Variants in FKBP10 observed in about 807,000 individuals in gnomAD.
FKBP10 encodes FKBP prolyl isomerase 10.
FKBP10 carries 34 observed loss-of-function variants against 53.7 expected under a neutral mutation model. That is an observed-to-expected ratio of 0.63 (90% CI 0.48 to 0.84). The LOEUF is 0.84. Ranked by LOEUF, FKBP10 falls within the 40% of genes least tolerant of loss-of-function variation. FKBP10 has a pLI of 0.00. For synonymous variants in FKBP10, 324 were observed against 335.7 expected (o/e 0.97, Z 0.38); for missense variants, 748 against 797.8 (o/e 0.94, Z 0.75).
Position 41,820,302 on chromosome 17 carries a change from T to G in FKBP10, c.1097T>G (p.Phe366Cys). The change falls in exon 7 of 10, where the codon TTC becomes TGC. Residue 366 changes from phenylalanine (F) to cysteine (C), a missense_variant. Transcript: ENST00000321562. ...DKIPGSAVLI[F>C]NVHVIDFHNP... ...ATCCCTGGCTCTGCCGTGCTAATCT[T>G]CAACGTCCATGTCATTGACTTCCAC... The G allele has an allele frequency of 1.2e-6, 2 of 1,614,210 alleles. No individual in the cohort carries two copies. Among genetic ancestry groups the G allele is most frequent in the South Asian group, 1.1e-5 (1 of 91,088 alleles).
intron 1 of FKBP10, among the ~76,000 whole-genome samples, chr17:41,814,834 G>A (rs782703829): frequency 6.6e-6 from 1 of 152,178 alleles, no homozygotes; most frequent in Non-Finnish European, 1.5e-5. Context: ...CTGGGTTCAA[G>A]CAATTCTCCT....
At chr17:41,820,735 C>T (rs894937451) in intron 7 of FKBP10, 2 of 712,260 alleles carry the variant, frequency 2.8e-6, no homozygotes, top group Admixed American at 2.9e-5. Context: ...GAGCCATGAG[C>T]CCTCGAGGCC....
rs1555616945 is a variant in FKBP10 at position 41,820,949 on chromosome 17, A to G, written c.1259A>G (p.His420Arg). The change falls in exon 8 of 10, where the codon CAT becomes CGT. Residue 420 changes from histidine to arginine, a missense_variant and splice_region_variant. Physicochemically the swap from His to Arg is conservative, Grantham distance 29 (BLOSUM62 0). Coordinates refer to ENST00000321562, the MANE Select transcript of FKBP10 (RefSeq NM_021939.4). ...LLDGTQLFTS[H>R]DYGAPQEATL... ...CCTGGGCATCTGCTCTCCCCCAGGC[A>G]TGACTACGGGGCCCCCCAGGAGGCG... is the stretch of plus-strand genomic sequence containing the variant. The G allele has an allele frequency of 1.9e-6, 3 of 1,611,800 alleles. No homozygotes were observed. Among genetic ancestry groups the G allele is most frequent in the African/African-American group, 1.3e-5 (1 of 74,860 alleles).
intron 8 of FKBP10, among the ~76,000 whole-genome samples, chr17:41,821,383 A>G (rs923738993): frequency 6.6e-6 from 1 of 151,940 alleles, no homozygotes; most frequent in Non-Finnish European, 1.5e-5. Context: ...TTGGCCTCCC[A>G]AAGTGCTGGG....
At chr17:41,818,304 G>C in intron 3 of FKBP10, 26 bp downstream of exon 3, 1 of 1,614,068 alleles carries the variant, frequency 6.2e-7, no homozygotes, top group Non-Finnish European at 8.5e-7. Context: ...GGAGCCCTGA[G>C]GCACTGGGGA....
intron 2 of FKBP10, among the ~76,000 whole-genome samples, chr17:41,817,775 A>C (rs4796709): frequency 0.33 from 49,293 of 151,114 alleles, 9,109 homozygotes; most frequent in East Asian, 0.56. Flanking sequence ...CTACAGGTGC[A>C]CACCACCACA....
intron 1 of FKBP10, among the ~76,000 whole-genome samples, chr17:41,814,863 G>C (rs1555615892): frequency 1.3e-5 from 2 of 152,188 alleles, no homozygotes; most frequent in Non-Finnish European, 2.9e-5. Flanking sequence ...CTCCCAAGTA[G>C]CTGTGATTAC....
At chr17:41,815,167 A>C (rs2047798925) in intron 1 of FKBP10, among the ~76,000 whole-genome samples, 3 of 152,134 alleles carry the variant, frequency 2.0e-5, no homozygotes, top group African/African-American at 7.2e-5. Context: ...TTATAAGAAG[A>C]CAGCCAGCTG....
In FKBP10 at chr17:41,819,193, C is replaced by T; in HGVS notation, c.728-17C>T. 1 of 1,614,000 alleles carries T rather than the reference C, an allele frequency of 6.2e-7. No individual in the cohort carries two copies. Among genetic ancestry groups the T allele is most frequent in the Non-Finnish European group, 8.5e-7 (1 of 1,179,928 alleles). On this transcript the variant is annotated splice_polypyrimidine_tract_variant and intron_variant, in intron 4 of 9. Transcript: ENST00000321562. ...TTGCTCCCCAATTTTATGGTTCAAG[C>T]CCTATCCCTTCCCCAGGGACAGTGA...
Position 41,818,161 on chromosome 17 carries a change from C to T in FKBP10, c.464C>T (p.Thr155Ile), listed in dbSNP as rs781919933. The T allele has an allele frequency of 2.5e-6, 4 of 1,613,694 alleles. No individual in the cohort carries two copies. The Admixed American group carries it at 6.7e-5, about 27-fold the overall frequency. ...CTGGATGTGTGGAACAAGGAAGACA[C>T]CGTGCAGGTGAGCACATTGCTGCGC... ...VLLDVWNKED[T>I]VQVSTLLRPP... The change falls in exon 3 of 10, where the codon ACC (threonine) becomes ATC (isoleucine). Residue 155 changes from threonine (T) to isoleucine (I), a missense_variant. Coordinates refer to ENST00000321562, the MANE Select transcript of FKBP10 (RefSeq NM_021939.4).
intron 7 of FKBP10, 69 bp from the exon 8 acceptor site, chr17:41,820,878 C>A: frequency 6.4e-7 from 1 of 1,574,050 alleles, no homozygotes; most frequent in Non-Finnish European, 8.6e-7. Context: ...GGGCCCACCT[C>A]AGAGGGAGAG....
chr17:41,821,415 G>A (rs1417299364), intron 8 of FKBP10, among the ~76,000 whole-genome samples: 2 of 152,118 alleles, frequency 1.3e-5, no homozygotes, highest in Non-Finnish European at 2.9e-5. Flanking sequence ...GAGCCACTGC[G>A]CTCGGCCCGA....
At chr17:41,818,009 A>G in intron 2 of FKBP10, 80 bp from the exon 3 acceptor site, 1 of 1,401,056 alleles carries the variant, frequency 7.1e-7, no homozygotes, top group Non-Finnish European at 9.8e-7. Context: ...GATGAGAGGA[A>G]GGGGAATAAC....
rs782638955 is a variant in FKBP10, at chr17:41,819,307, C to G, written c.825C>G (p.Leu275=). The change falls in exon 5 of 10, where the codon CTC becomes CTG. Residue 275 remains leucine, a synonymous_variant. Coordinates refer to ENST00000321562, the MANE Select transcript of FKBP10 (RefSeq NM_021939.4). ...KDAVQLETLE[L]PPGCVRRAGA... ...CTGTCCAGCTAGAGACGCTGGAGCT[C>G]CCCCCCGGCTGTGTCCGCAGAGCCG... The G allele has an allele frequency of 6.2e-7, 1 of 1,613,296 alleles. No individual in the cohort carries two copies. Among genetic ancestry groups the G allele is most frequent in the Non-Finnish European group, 8.5e-7 (1 of 1,179,426 alleles).
chr17:41,817,227 C>CG (rs2047828253), intron 2 of FKBP10, 24 bp downstream of exon 2: 1 of 1,609,374 alleles, frequency 6.2e-7, no homozygotes, highest in African/African-American at 1.3e-5. Flanking sequence ...GGGCACAGGC[C>CG]GGGGGTGGAG....
At chr17:41,818,571 GA>G in intron 4 of FKBP10, 44 bp downstream of exon 4, 1 of 1,612,498 alleles carries the variant, frequency 6.2e-7, no homozygotes, top group Non-Finnish European at 8.5e-7. Context: ...GCAGAAGAGG[GA>G]AAAACCAGGC....
chr17:41,818,397 C>T lies in FKBP10; in HGVS notation c.597C>T (p.Gly199=), dbSNP rs1225619274. 1 of 1,614,098 alleles carries T rather than the reference C, an allele frequency of 6.2e-7. No homozygotes were observed. Among genetic ancestry groups the T allele is most frequent in the Non-Finnish European group, 8.5e-7 (1 of 1,180,054 alleles). Residue 199 remains glycine (G), a synonymous_variant, in exon 4 of 10, where the codon GGC becomes GGT. Transcript: ENST00000321562. The part of the protein sequence containing the change: ...TSFDTSYSKG[G]TYDTYVGSGW... ...TTTTCTGCAGCTACAGTAAGGGCGG[C>T]ACTTATGACACCTACGTCGGCTCTG...
At position 41,819,451 on chromosome 17, in the gene FKBP10, A is replaced by G; in HGVS notation, c.917+52A>G. 2.5e-6 allele frequency: 4 copies of G among 1,613,734 alleles called. No individual in the cohort carries two copies. In the South Asian group the frequency reaches 4.4e-5, roughly 18 times the overall value. On this transcript the variant is annotated intron_variant, in intron 5 of 9. Coordinates refer to ENST00000321562, the MANE Select transcript of FKBP10 (RefSeq NM_021939.4). ...CGGGGGCTGGGTGAAACGTGGACGA[A>G]GCTGGGGGTCACTCTGAGCTGCCTG...
At chr17:41,820,012 C>G in intron 6 of FKBP10, 1 of 1,497,260 alleles carries the variant, frequency 6.7e-7, no homozygotes, top group Non-Finnish European at 9.0e-7. Context: ...GCAAGCCATG[C>G]TGATCCGCAG....
Sources: gnomAD v4.1 joint callset for allele counts (sites outside exome capture counted in the v4.1 genomes callset) on GRCh38, gnomAD v4.1.1 for gene constraint, MANE v1.5 for transcripts, NCBI Gene and HGNC (gene_info 2026-07-23, HGNC 2026-07-21) for gene names.